PRRC2C: variants seen among roughly 807,000 people sequenced by gnomAD.
PRRC2C encodes proline rich coiled-coil 2C.
PRRC2C carries 72 observed loss-of-function variants against 317.2 expected under a neutral mutation model. That is an observed-to-expected ratio of 0.23 (90% confidence interval 0.19 to 0.28). PRRC2C has a LOEUF of 0.28. Ranked by LOEUF, PRRC2C falls within the 10% of genes least tolerant of loss-of-function variation. The pLI is 1.00. For missense variants in PRRC2C, 3,074 were observed against 3,459.7 expected (o/e 0.89, Z 2.80); for synonymous variants, 1,296 against 1,205.9 (o/e 1.07, Z -1.55).
rs773612244 is a variant in PRRC2C at position 171,541,035 on chromosome 1, G to A, written c.3569G>A (p.Arg1190Gln). The change falls in exon 16 of 35, where the codon CGA (arginine) becomes CAA (glutamine). Residue 1190 changes from arginine to glutamine, a missense_variant. Physicochemically the swap from Arg to Gln is conservative, Grantham distance 43. Around this residue, in one of 11 missense-constraint regions of PRRC2C, gnomAD observed 1,320 missense variants for 1,395.7 expected, o/e 0.95. Coordinates refer to ENST00000647382, the MANE Select transcript of PRRC2C (RefSeq NM_001387844.1). The surrounding 1 kb of genome is among the most constrained non-coding windows in gnomAD (Gnocchi z 4.1). ...TTTCCAGATCAAGGATACAGAGGTC[G>A]AGGCCGAGGTGAATATTACTCCAGA... is the stretch of plus-strand genomic sequence containing the variant. Reference protein sequence around the residue: ...DWFPDQGYRGRGRGEYYSRGR... With the variant: ...DWFPDQGYRGQGRGEYYSRGR... 3.7e-6 allele frequency: 6 copies of A among 1,613,252 alleles called. No individual in the cohort carries two copies. In the Admixed American group the frequency reaches 5.0e-5, roughly 13 times the overall value.
chr1:171,591,867 G>A lies in PRRC2C; in HGVS notation c.*20G>A. ...TCTTAAAGGCTATGGTTTATTGCAG[G>A]GGATTGGGAGGGGGGCGGGAAAACA... On this transcript the variant is annotated 3_prime_UTR_variant, in exon 35 of 35. Coordinates refer to ENST00000647382, the MANE Select transcript of PRRC2C (RefSeq NM_001387844.1). 3.2e-6 allele frequency: 4 copies of A among 1,252,056 alleles called. No homozygotes were observed. The highest frequency in any genetic ancestry group is 3.1e-5 in the African/African-American group (2 of 64,740). 77.6% of individuals were successfully genotyped at this position (1,252,056 alleles called of 1,614,324 possible). A position where few individuals can be genotyped will look rare whatever the true frequency, so the allele number is the denominator to read the frequency against.
intron 17 of PRRC2C, 97 bp from the exon 18 acceptor site, chr1:171,549,989 G>GTTTTTT: frequency 1.4e-6 from 1 of 719,032 alleles, no homozygotes; most frequent in Non-Finnish European, 2.0e-6. Flanking sequence ...CCTTTGGCTA[G>GTTTTTT]TTTTTTTTTT....
chr1:171,511,274 A>C (rs1027772811), intron 1 of PRRC2C: 4 of 152,170 alleles, frequency 2.6e-5, no homozygotes, highest in Non-Finnish European at 4.4e-5. Context: ...CATGAGACAT[A>C]ATTTTTCTTT....
chr1:171,519,784 C>T (rs768952843), intron 6 of PRRC2C, among the ~76,000 whole-genome samples: 1 of 152,144 alleles, frequency 6.6e-6, no homozygotes, highest in Non-Finnish European at 1.5e-5. Context: ...ATCCATCATA[C>T]TTTCCATTCC....
intron 24 of PRRC2C, among the ~76,000 whole-genome samples, chr1:171,572,868 G>GAATTAAATTTAAGTCAAATT (rs1685019470): frequency 6.6e-6 from 1 of 152,118 alleles, no homozygotes; most frequent in Non-Finnish European, 1.5e-5. Context: ...TACACATTGA[G>GAATTAAATTTAAGTCAAATT]AATTAAATTT....
chr1:171,547,002 G>A (rs557883792), intron 17 of PRRC2C, among the ~76,000 whole-genome samples: 3 of 152,140 alleles, frequency 2.0e-5, no homozygotes, highest in African/African-American at 7.2e-5. Flanking sequence ...TGAGGTGGGC[G>A]GATCACCTGA....
intron 1 of PRRC2C, among the ~76,000 whole-genome samples, chr1:171,502,923 A>AG (rs1196082257): frequency 6.6e-6 from 1 of 152,110 alleles, no homozygotes; most frequent in African/African-American, 2.4e-5. Context: ...AGGTTTCACC[A>AG]TGTTGGCAGA....
At chr1:171,577,406 T>G in intron 25 of PRRC2C, 28 bp from the exon 26 acceptor site, 1 of 1,526,462 alleles carries the variant, frequency 6.6e-7, no homozygotes, top group Non-Finnish European at 9.0e-7. Context: ...TGCTCTATTT[T>G]CCCCTTTATT....
chr1:171,571,389 G>C lies in PRRC2C; in HGVS notation c.6721G>C (p.Val2241Leu). ...TIQQSSSLTSVPPTTFSLTFK... is the reference protein window; with the variant it reads ...TIQQSSSLTSLPPTTFSLTFK... ...ACAACAGAGCTCCAGCCTAACTTCAGTTCCTCCCACTACTTTCAGCCTCAC... is the reference window on the plus strand; with the variant it reads ...ACAACAGAGCTCCAGCCTAACTTCACTTCCTCCCACTACTTTCAGCCTCAC... The change falls in exon 24 of 35, where the codon GTT (valine) becomes CTT (leucine). Residue 2241 changes from valine (V) to leucine (L), a missense_variant. This residue lies in a region of PRRC2C where 640 missense variants were observed against 676.1 expected (regional missense o/e 0.95). Coordinates refer to ENST00000647382, the MANE Select transcript of PRRC2C (RefSeq NM_001387844.1). 2 of 1,611,500 alleles carry C rather than the reference G, an allele frequency of 1.2e-6. No homozygotes were observed. Among genetic ancestry groups the C allele is most frequent in the Non-Finnish European group, 1.7e-6 (2 of 1,177,682 alleles).
In PRRC2C at chr1:171,584,486, A is replaced by G. The variant is rs144691554; in HGVS notation, c.7709A>G (p.Asn2570Ser). The G allele has an allele frequency of 1.3e-3, 2,001 of 1,595,192 alleles. 3 individuals are homozygous for G. Among genetic ancestry groups the G allele is most frequent in the Admixed American group, 1.5e-3 (87 of 57,842 alleles). ...CAAGTACAACAGCCTGGTCAGACAA[A>G]TTTTTATAACACTGCCCAGTCACCA... ...SGQVQQPGQT[N>S]FYNTAQSPSA... Residue 2570 changes from asparagine to serine, a missense_variant, in exon 30 of 35, where the codon AAT becomes AGT. Physicochemically the swap from Asn to Ser is conservative, Grantham distance 46 (BLOSUM62 1). This residue lies in a region of PRRC2C where 490 missense variants were observed against 663.1 expected (regional missense o/e 0.74). Transcript: ENST00000647382.
At position 171,523,328 on chromosome 1, in the gene PRRC2C, A is replaced by G. The variant is rs1194053693; in HGVS notation, c.941A>G (p.Asp314Gly). Residue 314 changes from aspartate (D) to glycine (G), a missense_variant, in exon 8 of 35, where the codon GAT (aspartate) becomes GGT (glycine). Asp to Gly is a moderately conservative substitution (Grantham distance 94). This residue lies in a region of PRRC2C where 50 missense variants were observed against 88.3 expected (regional missense o/e 0.57). Coordinates refer to ENST00000647382, the MANE Select transcript of PRRC2C (RefSeq NM_001387844.1). ...GAGCTTGATAAATTTGATAACCTAG[A>G]TGCTGAAGCTGATGAAGGTTGGGCA... ...LKELDKFDNL[D>G]AEADEGWAGA... 1 of 1,613,846 alleles carries G rather than the reference A, an allele frequency of 6.2e-7. No homozygotes were observed. Among genetic ancestry groups the G allele is most frequent in the Non-Finnish European group, 8.5e-7 (1 of 1,179,878 alleles).
At chr1:171,507,185 A>C (rs1435583696) in intron 1 of PRRC2C, among the ~76,000 whole-genome samples, 3 of 152,212 alleles carry the variant, frequency 2.0e-5, no homozygotes, top group African/African-American at 7.2e-5. Flanking sequence ...ACTTGAGACC[A>C]GCTTGGGCAA....
At chr1:171,523,912 T>C (rs1166730955) in intron 9 of PRRC2C, among the ~76,000 whole-genome samples, 1 of 152,062 alleles carries the variant, frequency 6.6e-6, no homozygotes, top group Non-Finnish European at 1.5e-5. Flanking sequence ...GGTGCATGCC[T>C]GTAATCCCAG....
intron 18 of PRRC2C, among the ~76,000 whole-genome samples, chr1:171,556,261 G>A (rs373206610): frequency 5.3e-5 from 8 of 152,324 alleles, no homozygotes; most frequent in East Asian, 1.9e-4. Context: ...CTGGTGTGCC[G>A]TTTGCTAAGA....
intron 12 of PRRC2C, 95 bp from the exon 13 acceptor site, chr1:171,535,333 C>T: frequency 9.1e-7 from 1 of 1,104,450 alleles, no homozygotes; most frequent in Non-Finnish European, 1.3e-6. Flanking sequence ...TTTTCTTCCT[C>T]ATTAACTTTT....
At chr1:171,517,940 C>A in intron 6 of PRRC2C, 126 bp downstream of exon 6, 1 of 724,770 alleles carries the variant, frequency 1.4e-6, no homozygotes, top group Admixed American at 3.1e-5. Flanking sequence ...AATTAGCATT[C>A]TCTTTTATTG....
intron 25 of PRRC2C, among the ~76,000 whole-genome samples, 199 bp from the exon 26 acceptor site, chr1:171,577,235 A>G (rs1285167555): frequency 3.3e-5 from 5 of 152,086 alleles, no homozygotes; most frequent in East Asian, 3.8e-4. Context: ...TTATTGTTCC[A>G]TATTTTCTAG....
At chr1:171,573,042 T>C (rs931013191) in intron 24 of PRRC2C, among the ~76,000 whole-genome samples, 2 of 152,196 alleles carry the variant, frequency 1.3e-5, no homozygotes, top group African/African-American at 4.8e-5. Flanking sequence ...TAAGCAAAAC[T>C]GTATGATGGA....
chr1:171,517,676 A>G lies in PRRC2C; in HGVS notation c.612A>G (p.Glu204=), dbSNP rs1672628771. The G allele has an allele frequency of 6.2e-7, 1 of 1,613,424 alleles. No individual in the cohort carries two copies. The highest frequency in any genetic ancestry group is 8.5e-7 in the Non-Finnish European group (1 of 1,179,834). Residue 204 remains glutamate (E), a synonymous_variant, in exon 6 of 35, where the codon GAA becomes GAG. Coordinates refer to ENST00000647382, the MANE Select transcript of PRRC2C (RefSeq NM_001387844.1). ...DQDEKLPGQD[E]STAGTSEQND... is the part of the protein sequence containing the mutation. The stretch of plus-strand genomic sequence containing the variant: ...ATGAAAAGCTCCCTGGCCAGGATGA[A>G]AGCACAGCTGGAACATCAGAGCAAA...
Sources: gnomAD v4.1 joint callset for allele counts (sites outside exome capture counted in the v4.1 genomes callset) on GRCh38, gnomAD v4.1.1 for gene constraint, gnomAD v4.1.1 regional missense constraint, Gnocchi (gnomAD v3.1) non-coding constraint, MANE v1.5 for transcripts, NCBI Gene and HGNC (gene_info 2026-07-23, HGNC 2026-07-21) for gene names.